SOX5: variants seen among roughly 807,000 people sequenced by gnomAD.
SOX5 encodes transcription factor SOX-5.
A neutral mutation model predicts 92.0 loss-of-function variants in SOX5; 9 were observed. That is an observed-to-expected ratio of 0.10 (90% confidence interval 0.06 to 0.17). The LOEUF is 0.17. SOX5 is among the 10% of genes least tolerant of loss of function. SOX5 has a pLI of 1.00. For synonymous variants in SOX5, 344 were observed against 336.3 expected (o/e 1.02, Z -0.25); for missense variants, 642 against 944.5 (o/e 0.68, Z 4.20).
rs1321291494 is a variant in SOX5 at position 23,998,036 on chromosome 12, A to G, written c.-1-102012T>C. ...TGTACAGTTTTCAATGAAAAATCAC[A>G]AAACATGTAAAGAAATAGGAAACTG... is the stretch of plus-strand genomic sequence containing the variant. On this transcript the variant is annotated intron_variant, in intron 4 of 4. Transcript: ENST00000446891. 3.3e-5 allele frequency among the ~76,000 whole-genome samples: 5 copies of G among 152,272 alleles called. No homozygotes were observed. In the East Asian group the frequency reaches 9.6e-4, roughly 29 times the overall value.
chr12:24,270,985 A>G (rs1204048167), intron 3 of SOX5, among the ~76,000 whole-genome samples: 1 of 152,204 alleles, frequency 6.6e-6, no homozygotes, highest in Admixed American at 6.5e-5. Flanking sequence ...CATCTTGTAG[A>G]TTTCTTCTGA....
chr12:24,045,612 C>T (rs1204969452), intron 4 of SOX5, among the ~76,000 whole-genome samples: 1 of 152,130 alleles, frequency 6.6e-6, no homozygotes, highest in East Asian at 1.9e-4. Flanking sequence ...AGACAACCTT[C>T]TTAAAGACAG....
At chr12:24,395,483 T>C (rs1315228312) in intron 1 of SOX5, among the ~76,000 whole-genome samples, 2 of 152,220 alleles carry the variant, frequency 1.3e-5, no homozygotes, top group Non-Finnish European at 2.9e-5. Context: ...AAGTTCCCTG[T>C]GCCTTACTTT....
At chr12:23,608,115 G>GAAAAAAAAAA (rs772255622) in intron 8 of SOX5, among the ~76,000 whole-genome samples, 3 of 44,066 alleles carry the variant, frequency 6.8e-5, no homozygotes, top group Non-Finnish European at 8.5e-5. Flanking sequence ...AAAGAAAAAA[G>GAAAAAAAAAA]AAAAAAAAAA....
rs531279061 is a variant in SOX5 at position 23,994,690 on chromosome 12, G to C, written c.-1-98666C>G. On this transcript the variant is annotated intron_variant, in intron 4 of 4. Transcript: ENST00000446891. ...TGGGAGGTGTGTGGGCAGGAGGAGA[G>C]AGGAGAGCTCTAAATTAAGAAAATA... Among the ~76,000 whole-genome samples, 29 of 152,240 alleles carry C rather than the reference G, an allele frequency of 1.9e-4. No homozygotes were observed. In the East Asian group the frequency reaches 5.4e-3, roughly 28 times the overall value.
At chr12:24,255,613 TTAGG>T (rs1941020882) in intron 3 of SOX5, among the ~76,000 whole-genome samples, 1 of 152,044 alleles carries the variant, frequency 6.6e-6, no homozygotes, top group African/African-American at 2.4e-5. Context: ...AGCTAGGGAA[TTAGG>T]TAGGTGGAAT....
Position 24,514,253 on chromosome 12 carries a change from ATTT to A in SOX5, c.-251+48073_-251+48075del. Among the ~76,000 whole-genome samples, 3 of 152,332 alleles carry A rather than the reference ATTT, an allele frequency of 2.0e-5. No individual in the cohort carries two copies. The South Asian group carries it at 6.2e-4, about 32-fold the overall frequency. ...TTTTAGTCTTACATACCACTTTTAC[ATTT>A]TGTGAATGCAGAATCCTGACAATTT... is the stretch of plus-strand genomic sequence containing the variant. On this transcript the variant is annotated intron_variant, in intron 1 of 4. Coordinates refer to the SOX5 transcript ENST00000446891.
At chr12:23,582,378 T>A in intron 9 of SOX5, 1 of 632,106 alleles carries the variant, frequency 1.6e-6, no homozygotes, top group Non-Finnish European at 2.0e-6. Flanking sequence ...AAAAGGTTTA[T>A]ATTTACGTGC....
At chr12:23,876,042 AGTTT>A (rs2096923437) in intron 2 of SOX5, among the ~76,000 whole-genome samples, 1 of 152,198 alleles carries the variant, frequency 6.6e-6, no homozygotes, top group Non-Finnish European at 1.5e-5. Context: ...AGCAAGTTGT[AGTTT>A]GTTGACCCCT....
At chr12:24,433,711 G>C (rs890927899) in intron 1 of SOX5, among the ~76,000 whole-genome samples, 2 of 152,118 alleles carry the variant, frequency 1.3e-5, no homozygotes, top group African/African-American at 4.8e-5. Flanking sequence ...TTAAAATTTG[G>C]AGTGACAGCA....
intron 8 of SOX5, among the ~76,000 whole-genome samples, chr12:23,622,673 T>C (rs1055652585): frequency 5.3e-5 from 8 of 152,156 alleles, no homozygotes; most frequent in African/African-American, 1.9e-4. Flanking sequence ...CAACTTACCA[T>C]TGATCTGGTA....
At chr12:24,445,759 C>T (rs1941373260) in intron 1 of SOX5, among the ~76,000 whole-genome samples, 1 of 152,124 alleles carries the variant, frequency 6.6e-6, no homozygotes, top group Non-Finnish European at 1.5e-5. Context: ...GTTTAGGATT[C>T]CACAGTGTCT....
intron 4 of SOX5, among the ~76,000 whole-genome samples, chr12:24,001,833 GCA>G (rs1170306368): frequency 6.6e-6 from 1 of 152,124 alleles, no homozygotes; most frequent in East Asian, 1.9e-4. Flanking sequence ...GTATGGGGGT[GCA>G]CACCTGTAGT....
intron 1 of SOX5, among the ~76,000 whole-genome samples, chr12:23,923,594 T>C (rs982552657): frequency 3.3e-5 from 5 of 152,166 alleles, no homozygotes; most frequent in Non-Finnish European, 7.3e-5. Flanking sequence ...GACCAAAAGA[T>C]AGTTTATCAT....
At chr12:24,340,891 G>T (rs966887127) in intron 2 of SOX5, among the ~76,000 whole-genome samples, 3 of 152,122 alleles carry the variant, frequency 2.0e-5, no homozygotes, top group African/African-American at 7.2e-5. Context: ...AGTGCACATC[G>T]CCACTGAGGT....
At chr12:23,847,986 T>C (rs1042283267) in intron 2 of SOX5, among the ~76,000 whole-genome samples, 2 of 152,114 alleles carry the variant, frequency 1.3e-5, no homozygotes, top group Non-Finnish European at 2.9e-5. Context: ...AGTAAATTAA[T>C]AGGAATGTTT....
chr12:24,253,716 C>A (rs1940614865), intron 3 of SOX5, among the ~76,000 whole-genome samples: 1 of 151,950 alleles, frequency 6.6e-6, no homozygotes, highest in Non-Finnish European at 1.5e-5. Flanking sequence ...ATGGAAAAGA[C>A]CATCTCATAA....
chr12:23,866,828 C>A (rs899911860), intron 2 of SOX5, among the ~76,000 whole-genome samples: 2 of 152,120 alleles, frequency 1.3e-5, no homozygotes, highest in Non-Finnish European at 2.9e-5. Flanking sequence ...ATAAAGACCT[C>A]ATTTCTTTCT....
At chr12:23,675,855 T>C (rs2085589185) in intron 6 of SOX5, among the ~76,000 whole-genome samples, 3 of 152,094 alleles carry the variant, frequency 2.0e-5, no homozygotes, top group South Asian at 2.1e-4. Context: ...TGAACAGACA[T>C]TTTCCCAAAG....
Sources: allele counts gnomAD v4.1 joint callset (sites outside exome capture counted in the v4.1 genomes callset), GRCh38; gene constraint gnomAD v4.1.1; transcripts MANE v1.5; gene names NCBI Gene and HGNC (gene_info 2026-07-23, HGNC 2026-07-21).